Variants in ANK3 observed in about 807,000 individuals in gnomAD.
The protein encoded by ANK3 is ankyrin-3.
Under a neutral mutation model 370.9 loss-of-function variants are expected in ANK3, and 57 were observed. The observed-to-expected ratio is 0.15, with a 90% CI of 0.12 to 0.19. ANK3 has a LOEUF of 0.19. ANK3 is among the 10% of genes least tolerant of loss of function. The pLI is 1.00. For synonymous variants in ANK3, 1,929 were observed against 1,946.3 expected (o/e 0.99, Z 0.23); for missense variants, 4,439 against 5,302.1 (o/e 0.84, Z 5.06).
At chr10:60,197,779 A>G (rs1337118458) in intron 14 of ANK3, among the ~76,000 whole-genome samples, 7 of 152,240 alleles carry the variant, frequency 4.6e-5, no homozygotes, top group Non-Finnish European at 8.8e-5. Flanking sequence ...TATCACAAAA[A>G]AAATGAGCTC....
chr10:60,178,055 C>A (rs2096028883), intron 18 of ANK3, among the ~76,000 whole-genome samples: 1 of 152,128 alleles, frequency 6.6e-6, no homozygotes, highest in Non-Finnish European at 1.5e-5. Flanking sequence ...TCTTTGTAAA[C>A]CAGATTGTTG....
At chr10:60,470,912 A>G (rs1439493293) in intron 2 of ANK3, among the ~76,000 whole-genome samples, 3 of 152,078 alleles carry the variant, frequency 2.0e-5, no homozygotes, top group Non-Finnish European at 2.9e-5. Flanking sequence ...ACATCCCCCA[A>G]ACAAACCCTT....
At position 60,030,944 on chromosome 10, in the gene ANK3, G is replaced by C. The variant is rs564266095; in HGVS notation, c.*20-1118C>G. Among the ~76,000 whole-genome samples, 48 of 152,202 alleles carry C rather than the reference G, an allele frequency of 3.2e-4. 1 individual carries two copies. The highest frequency in any genetic ancestry group is 1.2e-3 in the African/African-American group (48 of 41,546). On this transcript the variant is annotated intron_variant, in intron 43 of 43. Coordinates refer to ENST00000280772, the MANE Select transcript of ANK3 (RefSeq NM_020987.5). ...TGGGGAAGCCATTTGTAGCCCTTTGGGCCTTAGTCTTATCTGTGAAATGAG... is the reference window on the plus strand; with the variant it reads ...TGGGGAAGCCATTTGTAGCCCTTTGCGCCTTAGTCTTATCTGTGAAATGAG...
chr10:60,259,225 T>A (rs551442872), intron 7 of ANK3, among the ~76,000 whole-genome samples: 7 of 152,314 alleles, frequency 4.6e-5, no homozygotes, highest in South Asian at 4.1e-4. Flanking sequence ...GGCAGTTGCC[T>A]CAGTTTAAGC....
intron 5 of ANK3, among the ~76,000 whole-genome samples, chr10:60,268,388 A>G (rs1231336177): frequency 6.6e-6 from 1 of 152,148 alleles, no homozygotes; most frequent in Non-Finnish European, 1.5e-5. Flanking sequence ...TACTATGGAC[A>G]TTTTCCTATA....
intron 1 of ANK3, among the ~76,000 whole-genome samples, chr10:60,658,754 T>C (rs953057746): frequency 3.3e-5 from 5 of 151,806 alleles, no homozygotes; most frequent in Non-Finnish European, 5.9e-5. Context: ...CAACTCTGGA[T>C]TGTGTTGCAT....
chr10:60,076,921 C>T (rs907846717), intron 36 of ANK3, among the ~76,000 whole-genome samples: 1 of 152,066 alleles, frequency 6.6e-6, no homozygotes, highest in African/African-American at 2.4e-5. Flanking sequence ...TTCTAATGTC[C>T]TCTCTCTCCT....
At chr10:60,314,627 A>G (rs914374825) in intron 1 of ANK3, among the ~76,000 whole-genome samples, 1 of 152,198 alleles carries the variant, frequency 6.6e-6, no homozygotes, top group Admixed American at 6.5e-5. Context: ...CATAACTGGG[A>G]CTGAAAACAT....
intron 1 of ANK3, among the ~76,000 whole-genome samples, chr10:60,634,558 G>A (rs1418097497): frequency 6.6e-6 from 1 of 152,052 alleles, no homozygotes; most frequent in Non-Finnish European, 1.5e-5. Flanking sequence ...CTGTAAAATG[G>A]ACCGATCAGG....
chr10:60,690,016 C>T (rs2079328328), intron 1 of ANK3, among the ~76,000 whole-genome samples: 2 of 152,110 alleles, frequency 1.3e-5, no homozygotes, highest in South Asian at 4.2e-4. Flanking sequence ...AAGGTAGTAT[C>T]CTGGGCATGT....
chr10:60,732,202 T>C (rs1389469539), intron 1 of ANK3, among the ~76,000 whole-genome samples: 4 of 152,052 alleles, frequency 2.6e-5, no homozygotes, highest in African/African-American at 4.8e-5. Context: ...CCAAAAGTCC[T>C]AAAAGGTATG....
intron 1 of ANK3, among the ~76,000 whole-genome samples, chr10:60,647,694 T>C (rs2078727074): frequency 6.6e-6 from 1 of 152,048 alleles, no homozygotes; most frequent in Non-Finnish European, 1.5e-5. Context: ...TCTATAATGC[T>C]GTTCATAGAT....
chr10:60,055,463 C>T (rs2078992683), intron 42 of ANK3, among the ~76,000 whole-genome samples, 195 bp downstream of exon 42: 1 of 151,698 alleles, frequency 6.6e-6, no homozygotes, highest in Admixed American at 6.6e-5. Flanking sequence ...ATACATTTTA[C>T]TTGGAACTTT....
chr10:60,226,835 TGTTA>T (rs1203604453), intron 8 of ANK3, among the ~76,000 whole-genome samples: 3 of 149,386 alleles, frequency 2.0e-5, no homozygotes, highest in Non-Finnish European at 3.0e-5. Context: ...ATATTTACAC[TGTTA>T]GTTTTATCTT....
upstream of ANK3, among the ~76,000 whole-genome samples, chr10:60,393,181 C>T (rs1335623297): frequency 1.3e-5 from 2 of 152,158 alleles, no homozygotes; most frequent in Non-Finnish European, 2.9e-5. Flanking sequence ...AGCGGAGCTG[C>T]ATGGCTGAAT....
chr10:60,599,895 C>T (rs1378338039), intron 2 of ANK3, among the ~76,000 whole-genome samples: 4 of 152,154 alleles, frequency 2.6e-5, no homozygotes, highest in Non-Finnish European at 5.9e-5. Flanking sequence ...TCTTCTACAA[C>T]TCTGGCTTTC....
chr10:60,488,871 T>C (rs1297979908), intron 2 of ANK3, among the ~76,000 whole-genome samples: 1 of 152,248 alleles, frequency 6.6e-6, no homozygotes. Context: ...TACTGGAGGA[T>C]GTTAAATTGT....
At chr10:60,639,899 A>G (rs1233986476) in intron 1 of ANK3, among the ~76,000 whole-genome samples, 8 of 152,090 alleles carry the variant, frequency 5.3e-5, no homozygotes, top group African/African-American at 9.7e-5. Context: ...TCACATTCCA[A>G]TGAAAAAGAA....
chr10:60,696,060 T>TA (rs1351752942), intron 1 of ANK3, among the ~76,000 whole-genome samples: 2 of 150,636 alleles, frequency 1.3e-5, no homozygotes, highest in Non-Finnish European at 3.0e-5. Flanking sequence ...TAAAAAATGA[T>TA]AAAGGGGATA....
Sources: allele counts gnomAD v4.1 joint callset (sites outside exome capture counted in the v4.1 genomes callset), GRCh38; gene constraint gnomAD v4.1.1; transcripts MANE v1.5; gene names NCBI Gene and HGNC (gene_info 2026-07-23, HGNC 2026-07-21).